The following PKP1 variants were observed in gnomAD, a reference collection of about 807,000 sequenced individuals.
The protein encoded by PKP1 is plakophilin-1.
A neutral mutation model predicts 76.4 loss-of-function variants in PKP1; 27 were observed. The observed-to-expected ratio is 0.35, with a 90% CI of 0.26 to 0.49. The LOEUF (loss-of-function observed/expected upper bound fraction) is 0.49. PKP1 is among the 20% of genes least tolerant of loss of function. The pLI, the probability that PKP1 is intolerant of heterozygous loss-of-function variation, is 0.99. For synonymous variants in PKP1, 404 were observed against 384.2 expected (o/e 1.05, Z -0.60); for missense variants, 964 against 955.2 (o/e 1.01, Z -0.12).
At chr1:201,297,450 C>A (rs1329594906) in intron 2 of PKP1, among the ~76,000 whole-genome samples, 2 of 152,178 alleles carry the variant, frequency 1.3e-5, no homozygotes, top group African/African-American at 4.8e-5. Context: ...CTCAGCTATG[C>A]TCTTCTGGTT....
At chr1:201,325,935 G>T in intron 12 of PKP1, 97 bp downstream of exon 12, 1 of 856,084 alleles carries the variant, frequency 1.2e-6, no homozygotes, top group Non-Finnish European at 2.0e-6. Context: ...CTAGAGAAAC[G>T]CCCCTGCCCT....
In PKP1 at chr1:201,313,428, G is replaced by A; in HGVS notation, c.569G>A (p.Cys190Tyr). 1 of 1,599,324 alleles carries A rather than the reference G, an allele frequency of 6.3e-7. No individual in the cohort carries two copies. The highest frequency in any genetic ancestry group is 8.5e-7 in the Non-Finnish European group (1 of 1,173,058). Residue 190 changes from cysteine to tyrosine, a missense_variant, in exon 3 of 14, where the codon TGC becomes TAC. Transcript: ENST00000367324. Reference sequence around the variant, plus strand: ...AACCGCTACAGCTTTTACAGCACCTGCAGTGGTCAGAAGGCCATAAAGAAG... The same window carrying A: ...AACCGCTACAGCTTTTACAGCACCTACAGTGGTCAGAAGGCCATAAAGAAG... ...TQNRYSFYST[C>Y]SGQKAIKKCP...
intron 3 of PKP1, chr1:201,316,137 C>CGGATGGATGGATGGATGGATGGAT (rs1206973112): frequency 1.3e-4 from 2 of 15,866 alleles, no homozygotes; most frequent in African/African-American, 4.5e-4. Context: ...GACGGACGGA[C>CGGATGGATGGATGGATGGATGGAT]GGATGGACGG....
chr1:201,316,627 A>G lies in PKP1; in HGVS notation c.776A>G (p.Glu259Gly), dbSNP rs1656755510. ...KAVQYLSSQD[E>G]KYQAIGAYYI... ...GTGCAGTACCTGAGCTCCCAGGATG[A>G]GAAGTACCAGGCCATTGGGGCCTAT... is the stretch of plus-strand genomic sequence containing the variant. Residue 259 changes from glutamate (E) to glycine (G), a missense_variant, in exon 4 of 14, where the codon GAG (glutamate) becomes GGG (glycine). Coordinates refer to ENST00000367324, the MANE Select transcript of PKP1 (RefSeq NM_001005337.3). 1 of 1,613,456 alleles carries G rather than the reference A, an allele frequency of 6.2e-7. No individual in the cohort carries two copies. Among genetic ancestry groups the G allele is most frequent in the African/African-American group, 1.3e-5 (1 of 74,928 alleles).
intron 6 of PKP1, among the ~76,000 whole-genome samples, chr1:201,319,334 G>A (rs1274280750): frequency 1.3e-5 from 2 of 152,202 alleles, no homozygotes; most frequent in African/African-American, 4.8e-5. Flanking sequence ...TTTACAAGCT[G>A]GCGAAATGGG....
chr1:201,315,274 T>C (rs1656690080), intron 3 of PKP1, among the ~76,000 whole-genome samples: 2 of 152,214 alleles, frequency 1.3e-5, no homozygotes. Flanking sequence ...GGTGACATTC[T>C]CTCAATGCAG....
At chr1:201,294,315 C>T (rs1320036215) in intron 2 of PKP1, among the ~76,000 whole-genome samples, 2 of 152,120 alleles carry the variant, frequency 1.3e-5, no homozygotes, top group Admixed American at 6.5e-5. Context: ...AGTCCATTTC[C>T]CAGTAGGTCT....
chr1:201,292,842 C>T lies in PKP1; in HGVS notation c.203-1100C>T, dbSNP rs12760141. On this transcript the variant is annotated intron_variant, in intron 1 of 13. Coordinates refer to ENST00000367324, the MANE Select transcript of PKP1 (RefSeq NM_001005337.3). ...CACTTAACAAGAGTGTGGGCCAGGC[C>T]ACGGAGCCATGGCTTGCTCTTCGTG... 3.6e-3 allele frequency among the ~76,000 whole-genome samples: 543 copies of T among 152,324 alleles called. 1 individual carries two copies. The highest frequency in any genetic ancestry group is 6.2e-3 in the Non-Finnish European group (419 of 68,038).
At position 201,328,705 on chromosome 1, in the gene PKP1, C is replaced by G. The variant is rs1657222392; in HGVS notation, c.2107-57C>G. ...GGGAGGGCAGTGGACAGTGTCTGAC[C>G]CCACAGCAAGCCCCACACAGTTTTG... On this transcript the variant is annotated intron_variant, in intron 12 of 13. Transcript: ENST00000367324. 4.0e-6 allele frequency: 6 copies of G among 1,503,084 alleles called. 1 individual carries two copies. Among genetic ancestry groups the G allele is most frequent in the Non-Finnish European group, 5.6e-6 (6 of 1,078,724 alleles). The allele number at this position is 1,503,084 out of a possible 1,614,324, so 93.1% of individuals were successfully genotyped here. A position where few individuals can be genotyped will look rare whatever the true frequency, so the allele number is the denominator to read the frequency against.
At chr1:201,307,870 A>C (rs1426295822) in intron 2 of PKP1, among the ~76,000 whole-genome samples, 2 of 152,174 alleles carry the variant, frequency 1.3e-5, no homozygotes, top group Non-Finnish European at 2.9e-5. Context: ...TTTCATGAAA[A>C]GGGCCTTGGG....
chr1:201,317,730 C>T lies in PKP1; in HGVS notation c.1005C>T (p.Val335=). Residue 335 remains valine (V), a synonymous_variant, in exon 5 of 14, where the codon GTC becomes GTT. Transcript: ENST00000367324. The part of the protein sequence containing the change: ...TRRQNGIREA[V]SLLRRTGNAE... ...GGCAGAATGGGATCCGCGAGGCAGTCAGCCTCCTGAGGAGAACCGGGAACG... is the reference window on the plus strand; with the variant it reads ...GGCAGAATGGGATCCGCGAGGCAGTTAGCCTCCTGAGGAGAACCGGGAACG... 6.2e-7 allele frequency: 1 copy of T among 1,613,908 alleles called. No individual in the cohort carries two copies. The highest frequency in any genetic ancestry group is 8.5e-7 in the Non-Finnish European group (1 of 1,179,968).
At chr1:201,319,994 T>TG in intron 6 of PKP1, 3 of 1,153,682 alleles carry the variant, frequency 2.6e-6, no homozygotes, top group Non-Finnish European at 3.9e-6. Flanking sequence ...AGACCTCATT[T>TG]CAGCCTCAGC....
At chr1:201,313,015 A>T (rs887781575) in intron 2 of PKP1, 151 bp from the exon 3 acceptor site, 43 of 779,092 alleles carry the variant, frequency 5.5e-5, no homozygotes, top group Non-Finnish European at 8.2e-5. Flanking sequence ...GTAATATATC[A>T]GATGATGGCT....
At chr1:201,287,582 C>T (rs902462585) in intron 1 of PKP1, among the ~76,000 whole-genome samples, 3 of 152,184 alleles carry the variant, frequency 2.0e-5, no homozygotes, top group Non-Finnish European at 2.9e-5. Flanking sequence ...TTCAAATGAA[C>T]CAATTCTTGT....
chr1:201,309,127 T>A (rs926065211), intron 2 of PKP1, among the ~76,000 whole-genome samples: 1 of 152,018 alleles, frequency 6.6e-6, no homozygotes, highest in Admixed American at 6.5e-5. Flanking sequence ...ATTCAGTTCT[T>A]TGAGGCCCTG....
chr1:201,300,246 G>A (rs1294494431), intron 2 of PKP1, among the ~76,000 whole-genome samples: 13 of 152,376 alleles, frequency 8.5e-5, no homozygotes, highest in African/African-American at 3.1e-4. Context: ...GGAGCATGCC[G>A]TGTGCTTTCA....
chr1:201,312,094 C>A (rs1571553086), intron 2 of PKP1, among the ~76,000 whole-genome samples: 1 of 152,210 alleles, frequency 6.6e-6, no homozygotes. Context: ...GAGGCCCTCC[C>A]TGTACCCCAC....
At position 201,328,848 on chromosome 1, in the gene PKP1, C is replaced by T. The variant is rs747415292; in HGVS notation, c.*12C>T. 26 of 1,610,270 alleles carry T rather than the reference C, an allele frequency of 1.6e-5. No individual in the cohort carries two copies. Among genetic ancestry groups the T allele is most frequent in the Non-Finnish European group, 1.8e-5 (21 of 1,176,450 alleles). On this transcript the variant is annotated 3_prime_UTR_variant, in exon 13 of 14. Transcript: ENST00000367324. ...CCTCCCGATTCTAAGAAGAGACTGT[C>T]CAAGCAAGTTAGGCTTGCAGGTAAG...
At chr1:201,287,468 G>A (rs1230484976) in intron 1 of PKP1, among the ~76,000 whole-genome samples, 1 of 152,226 alleles carries the variant, frequency 6.6e-6, no homozygotes, top group Admixed American at 6.5e-5. Context: ...CTGACCACAG[G>A]CATCACTTCT....
Sources: gnomAD v4.1 joint callset for allele counts (sites outside exome capture counted in the v4.1 genomes callset) on GRCh38, gnomAD v4.1.1 for gene constraint, MANE v1.5 for transcripts, NCBI Gene and HGNC (gene_info 2026-07-23, HGNC 2026-07-21) for gene names.